The following NTNG2 variants were observed in gnomAD, a reference collection of about 807,000 sequenced individuals.
NTNG2 encodes netrin-G2.
In NTNG2, 15 loss-of-function variants were observed where a neutral mutation model predicts 47.6. That is an observed-to-expected ratio of 0.32 (90% CI 0.21 to 0.49). The LOEUF (loss-of-function observed/expected upper bound fraction) is 0.49, where lower values mean the gene tolerates loss of function less well. Among genes scored for constraint, NTNG2 ranks in the 20% least tolerant of loss-of-function variants. NTNG2 has a pLI of 0.99. For missense variants in NTNG2, 578 were observed against 764.6 expected (o/e 0.76, Z 2.88); for synonymous variants, 307 against 324.6 (o/e 0.95, Z 0.58).
At chr9:132,241,474 G>A in intron 7 of NTNG2, 1 of 329,290 alleles carries the variant, frequency 3.0e-6, no homozygotes, top group Non-Finnish European at 5.7e-6. Context: ...TGGGAACTAC[G>A]AGAAAGACCG....
At chr9:132,222,637 C>T (rs573279750) in intron 3 of NTNG2, among the ~76,000 whole-genome samples, 93 of 152,232 alleles carry the variant, frequency 6.1e-4, no homozygotes, top group Middle Eastern at 6.8e-3. Context: ...CTGAGCATCA[C>T]GGCACAGTGG....
intron 2 of NTNG2, 75 bp downstream of exon 2, chr9:132,167,119 G>A (rs1281250084): frequency 8.7e-6 from 13 of 1,499,216 alleles, no homozygotes; most frequent in East Asian, 2.3e-5. Flanking sequence ...TGGGGTGGAC[G>A]AGCAGAGCTG....
chr9:132,167,780 C>CT (rs1452227312), intron 2 of NTNG2, among the ~76,000 whole-genome samples: 1 of 152,192 alleles, frequency 6.6e-6, no homozygotes, highest in African/African-American at 2.4e-5. Flanking sequence ...ACAGCAACAA[C>CT]AACAGCAGAG....
At chr9:132,220,062 G>A (rs988735189) in intron 3 of NTNG2, among the ~76,000 whole-genome samples, 3 of 152,162 alleles carry the variant, frequency 2.0e-5, no homozygotes, top group Non-Finnish European at 2.9e-5. Flanking sequence ...TCTCATTATG[G>A]CTTTGGTGTG....
At chr9:132,203,034 G>T (rs555758050) in intron 3 of NTNG2, among the ~76,000 whole-genome samples, 29 of 152,194 alleles carry the variant, frequency 1.9e-4, no homozygotes, top group Non-Finnish European at 4.1e-4. Flanking sequence ...TAGACGGTGG[G>T]AGAGGGAAGT....
At position 132,223,314 on chromosome 9, in the gene NTNG2, C is replaced by T. The variant is rs138482884; in HGVS notation, c.858-3535C>T. ...CCACCCAGATCCTTGCTCTGGAAGGCGGCCCCCAGGGGACCCTTCATTCCC... is the reference window on the plus strand; with the variant it reads ...CCACCCAGATCCTTGCTCTGGAAGGTGGCCCCCAGGGGACCCTTCATTCCC... On this transcript the variant is annotated intron_variant, in intron 3 of 7. Coordinates refer to ENST00000393229, the MANE Select transcript of NTNG2 (RefSeq NM_032536.4). Among the ~76,000 whole-genome samples the T allele has an allele frequency of 3.8e-3, 584 of 152,250 alleles. 2 individuals are homozygous for T. Among genetic ancestry groups the T allele is most frequent in the African/African-American group, 0.013 (555 of 41,550 alleles).
At chr9:132,237,464 C>T (rs544658702) in intron 5 of NTNG2, among the ~76,000 whole-genome samples, 1 of 152,356 alleles carries the variant, frequency 6.6e-6, no homozygotes, top group African/African-American at 2.4e-5. Context: ...CCAAGGGCTA[C>T]AAACTTTTCC....
intron 3 of NTNG2, among the ~76,000 whole-genome samples, chr9:132,211,541 A>G (rs1839589384): frequency 6.6e-6 from 1 of 152,010 alleles, no homozygotes; most frequent in Non-Finnish European, 1.5e-5. Context: ...TGAGACTCCC[A>G]AGATCAGCCA....
rs556180538 is a variant in NTNG2 at position 132,191,603 on chromosome 9, G to A, written c.214-6363G>A. Among the ~76,000 whole-genome samples the A allele has an allele frequency of 7.8e-4, 118 of 151,514 alleles. 1 individual carries two copies. Among genetic ancestry groups the A allele is most frequent in the East Asian group, 1.6e-3 (8 of 5,144 alleles). ...CTTTTAGACAGAGTCTTGCTCTGTCGCCCAGGCTGGAGTGCTGGAGTGCAG... is the reference window on the plus strand; with the variant it reads ...CTTTTAGACAGAGTCTTGCTCTGTCACCCAGGCTGGAGTGCTGGAGTGCAG... On this transcript the variant is annotated intron_variant, in intron 2 of 7. Transcript: ENST00000393229.
rs746470896 is a variant in NTNG2, at chr9:132,208,905, T to G, written c.857+10296T>G. The stretch of plus-strand genomic sequence containing the variant: ...AGACCCCTGGAAGCCCCCATCCTGC[T>G]CCCTGAAAATCTGCTGTAAGTGGAG... On this transcript the variant is annotated intron_variant, in intron 3 of 7. Transcript: ENST00000393229. The surrounding 1 kb of genome is among the most constrained non-coding windows in gnomAD (Gnocchi z 4.0). Among the ~76,000 whole-genome samples, 1 of 151,712 alleles carries G rather than the reference T, an allele frequency of 6.6e-6. No homozygotes were observed. Among genetic ancestry groups the G allele is most frequent in the South Asian group, 2.1e-4 (1 of 4,812 alleles).
chr9:132,195,574 G>C (rs534455260), intron 2 of NTNG2, among the ~76,000 whole-genome samples: 1 of 139,694 alleles, frequency 7.2e-6, no homozygotes, highest in East Asian at 2.2e-4. Context: ...TGATCCACCC[G>C]CCTCGGCCTC....
intron 2 of NTNG2, among the ~76,000 whole-genome samples, chr9:132,193,474 C>T (rs1226387125): frequency 3.3e-5 from 5 of 152,028 alleles, no homozygotes; most frequent in African/African-American, 4.8e-5. Flanking sequence ...CAGACAGTGG[C>T]CAAAGGAGCA....
At chr9:132,181,563 C>T (rs995040425) in intron 2 of NTNG2, among the ~76,000 whole-genome samples, 1 of 152,224 alleles carries the variant, frequency 6.6e-6, no homozygotes, top group African/African-American at 2.4e-5. Flanking sequence ...GATCCGCCCA[C>T]CTCAGCCTCC....
At chr9:132,190,679 A>G (rs1387243200) in intron 2 of NTNG2, among the ~76,000 whole-genome samples, 2 of 152,194 alleles carry the variant, frequency 1.3e-5, no homozygotes, top group South Asian at 2.1e-4. Context: ...TCTGACTTTG[A>G]CTGTACCCTT....
At chr9:132,188,520 C>G (rs1338611311) in intron 2 of NTNG2, among the ~76,000 whole-genome samples, 1 of 152,244 alleles carries the variant, frequency 6.6e-6, no homozygotes, top group African/African-American at 2.4e-5. Flanking sequence ...ATTGCTCAGC[C>G]TCTCTGAGTC....
At chr9:132,201,350 G>A (rs1281576439) in intron 3 of NTNG2, among the ~76,000 whole-genome samples, 5 of 152,250 alleles carry the variant, frequency 3.3e-5, no homozygotes, top group African/African-American at 9.6e-5. Flanking sequence ...AGGTGGTGGC[G>A]AGAGTGTACA....
At chr9:132,194,318 C>T (rs1838117235) in intron 2 of NTNG2, among the ~76,000 whole-genome samples, 1 of 152,226 alleles carries the variant, frequency 6.6e-6, no homozygotes, top group Non-Finnish European at 1.5e-5. Flanking sequence ...TCCAGGCTCA[C>T]AGCACCCTTC....
chr9:132,216,461 T>C (rs1840003130), intron 3 of NTNG2, among the ~76,000 whole-genome samples: 1 of 135,416 alleles, frequency 7.4e-6, no homozygotes, highest in Non-Finnish European at 1.6e-5. Context: ...TGTGTGTGTG[T>C]GTGTGTGTCC....
chr9:132,171,293 G>C lies in NTNG2; in HGVS notation c.213+4249G>C, dbSNP rs577726702. 2.0e-5 allele frequency among the ~76,000 whole-genome samples: 3 copies of C among 152,316 alleles called. No individual in the cohort carries two copies. In the South Asian group the frequency reaches 6.2e-4, roughly 32 times the overall value. On this transcript the variant is annotated intron_variant, in intron 2 of 7. Coordinates refer to ENST00000393229, the MANE Select transcript of NTNG2 (RefSeq NM_032536.4). ...GCCTCAGTTTCCCTATCTGTAAAAG[G>C]GGTATGATCTTCACTGCCTTGCCCA... is the stretch of plus-strand genomic sequence containing the variant.
Sources: allele counts gnomAD v4.1 joint callset (sites outside exome capture counted in the v4.1 genomes callset), GRCh38; gene constraint gnomAD v4.1.1; non-coding constraint Gnocchi (gnomAD v3.1); transcripts MANE v1.5; gene names NCBI Gene and HGNC (gene_info 2026-07-23, HGNC 2026-07-21).